The following SASH1 variants were observed in gnomAD, a reference collection of about 807,000 sequenced individuals.
The protein encoded by SASH1 is SAM and SH3 domain-containing protein 1.
In SASH1, 44 loss-of-function variants were observed where a neutral mutation model predicts 125.2. That is an observed-to-expected ratio of 0.35 (90% CI 0.28 to 0.45). SASH1 has a LOEUF of 0.45. Among genes scored for constraint, SASH1 ranks in the 20% least tolerant of loss-of-function variants. The pLI, the probability that SASH1 is intolerant of heterozygous loss-of-function variation, is 1.00. For missense variants in SASH1, 1,426 were observed against 1,614.5 expected, an observed-to-expected ratio of 0.88 and a Z score of 2.00; for synonymous variants, 639 against 649.1, an observed-to-expected ratio of 0.98 and a Z score of 0.24.
the SASH1 span, among the ~76,000 whole-genome samples, chr6:148,237,812 T>C: frequency 1.3e-5 from 2 of 152,170 alleles, no homozygotes; most frequent in Non-Finnish European, 2.9e-5. Context: ...GCAGAGCTAG[T>C]TGAAAGAGCC....
intron 1 of SASH1, among the ~76,000 whole-genome samples, chr6:148,369,228 C>G (rs1430198281): frequency 6.6e-6 from 1 of 152,216 alleles, no homozygotes; most frequent in Non-Finnish European, 1.5e-5. Context: ...GTGGCACAGC[C>G]TGCTATGAGA....
At chr6:148,240,201 G>A in the SASH1 span, 1 of 151,684 alleles carries the variant, frequency 6.6e-6, no homozygotes, top group African/African-American at 2.4e-5. Context: ...GCCTCACTGG[G>A]GAAAGGAAAC....
At position 148,459,517 on chromosome 6, in the gene SASH1, A is replaced by T. The variant is rs191459854; in HGVS notation, c.387-9028A>T. 6.6e-5 allele frequency among the ~76,000 whole-genome samples: 10 copies of T among 152,352 alleles called. No homozygotes were observed. In the East Asian group the frequency reaches 1.9e-3, roughly 29 times the overall value. Reference sequence around the variant, plus strand: ...CCAGTTGGTGAATGAAAGGACACAAATCTCTTTCACTGCACCTTTGTAGGG... The same window carrying T: ...CCAGTTGGTGAATGAAAGGACACAATTCTCTTTCACTGCACCTTTGTAGGG... On this transcript the variant is annotated intron_variant, in intron 4 of 19. Coordinates refer to ENST00000367467, the MANE Select transcript of SASH1 (RefSeq NM_015278.5).
chr6:148,513,292 G>A, intron 8 of SASH1: 1 of 985,446 alleles, frequency 1.0e-6, no homozygotes, highest in Non-Finnish European at 1.2e-6. Context: ...TGGAGAGAAG[G>A]TTGTTGTCAG....
chr6:148,382,610 A>AT (rs1357616763), intron 1 of SASH1, among the ~76,000 whole-genome samples: 2 of 151,588 alleles, frequency 1.3e-5, no homozygotes, highest in African/African-American at 4.9e-5. Context: ...TTTTCCTGCT[A>AT]TTTTTTTCCT....
At chr6:148,201,071 A>C in the SASH1 span, among the ~76,000 whole-genome samples, 1 of 152,136 alleles carries the variant, frequency 6.6e-6, no homozygotes, top group Non-Finnish European at 1.5e-5. Context: ...TAAATATGTG[A>C]GCTGTAAATG....
At chr6:148,244,872 G>C in the SASH1 span, among the ~76,000 whole-genome samples, 1 of 151,078 alleles carries the variant, frequency 6.6e-6, no homozygotes, top group Non-Finnish European at 1.5e-5. Context: ...GCTGTTCACA[G>C]GTTCTGGGGC....
At chr6:148,226,764 A>C in the SASH1 span, among the ~76,000 whole-genome samples, 1 of 152,178 alleles carries the variant, frequency 6.6e-6, no homozygotes, top group Non-Finnish European at 1.5e-5. Flanking sequence ...CAGTGGTAGA[A>C]GAGTCCATCT....
At chr6:148,440,266 G>T in intron 3 of SASH1, 32 bp downstream of exon 3, 1 of 1,612,426 alleles carries the variant, frequency 6.2e-7, no homozygotes. Context: ...ATCTAGTTTT[G>T]CTTCTGCCTT....
chr6:148,373,151 A>G (rs1032324099), intron 1 of SASH1, among the ~76,000 whole-genome samples: 2 of 152,152 alleles, frequency 1.3e-5, no homozygotes, highest in African/African-American at 4.8e-5. Context: ...AGATTGCGCC[A>G]TTGCACTCCA....
intron 2 of SASH1, among the ~76,000 whole-genome samples, chr6:148,396,478 GAAAAAAAAAAAAAA>G (rs61277112): frequency 1.6e-5 from 1 of 63,788 alleles, no homozygotes; most frequent in Non-Finnish European, 2.8e-5. Context: ...CTGCATCTCA[GAAAAAAAAAAAAAA>G]AAAAAAAAAA....
intron 16 of SASH1, among the ~76,000 whole-genome samples, chr6:148,535,168 ACAAAAT>A (rs1384911443): frequency 6.6e-6 from 1 of 152,236 alleles, no homozygotes; most frequent in Non-Finnish European, 1.5e-5. Flanking sequence ...GTCAAACAGC[ACAAAAT>A]CATAAATTCC....
chr6:148,214,778 C>A, the SASH1 span, among the ~76,000 whole-genome samples: 1 of 152,138 alleles, frequency 6.6e-6, no homozygotes, highest in Non-Finnish European at 1.5e-5. Context: ...TGCCATAGTG[C>A]TTTGCATGAC....
intron 1 of SASH1, among the ~76,000 whole-genome samples, chr6:148,380,725 T>G (rs1044925763): frequency 6.6e-6 from 1 of 152,236 alleles, no homozygotes; most frequent in Non-Finnish European, 1.5e-5. Flanking sequence ...AGGGTTTTTG[T>G]GTAATACTCT....
chr6:148,507,139 A>C (rs1231358111), intron 8 of SASH1, among the ~76,000 whole-genome samples: 7 of 151,878 alleles, frequency 4.6e-5, no homozygotes, highest in Non-Finnish European at 1.0e-4. Context: ...GAGGAAATTC[A>C]ATAAAGGTTG....
chr6:148,483,580 T>A (rs1233303177), intron 7 of SASH1, among the ~76,000 whole-genome samples: 3 of 152,274 alleles, frequency 2.0e-5, no homozygotes, highest in African/African-American at 4.8e-5. Context: ...TCAGCCTGAT[T>A]CCAAAGGGAG....
At chr6:148,206,793 GCACACACACACACA>G in the SASH1 span, among the ~76,000 whole-genome samples, 3 of 134,458 alleles carry the variant, frequency 2.2e-5, no homozygotes, top group Non-Finnish European at 3.2e-5. Flanking sequence ...CCATCTCAAA[GCACACACACACACA>G]CACACACACA....
intron 4 of SASH1, among the ~76,000 whole-genome samples, chr6:148,463,103 G>A (rs1777690154): frequency 6.6e-6 from 1 of 151,968 alleles, no homozygotes; most frequent in Non-Finnish European, 1.5e-5. Flanking sequence ...AGAAAATATG[G>A]CAACCTAGAG....
chr6:148,250,758 G>A, the SASH1 span, among the ~76,000 whole-genome samples: 1 of 152,156 alleles, frequency 6.6e-6, no homozygotes, highest in African/African-American at 2.4e-5. Context: ...AACCATCATG[G>A]GTATTTGCTT....
Sources: allele counts gnomAD v4.1 joint callset (sites outside exome capture counted in the v4.1 genomes callset), GRCh38; gene constraint gnomAD v4.1.1; transcripts MANE v1.5; gene names NCBI Gene and HGNC (gene_info 2026-07-23, HGNC 2026-07-21).